Variants in PRDM10 observed in about 807,000 individuals in gnomAD.
PRDM10 encodes PR/SET domain 10.
PRDM10 carries 65 observed loss-of-function variants against 133.1 expected under a neutral mutation model. The observed-to-expected ratio is 0.49, with a 90% CI of 0.40 to 0.60. The LOEUF (loss-of-function observed/expected upper bound fraction) is 0.60. Ranked by LOEUF, PRDM10 falls within the 20% of genes least tolerant of loss-of-function variation. PRDM10 has a pLI of 0.00. For missense variants in PRDM10, 1,137 were observed against 1,507.1 expected (o/e 0.75, Z 4.07); for synonymous variants, 582 against 580.4 (o/e 1.00, Z -0.04).
chr11:129,970,385 G>A (rs1204678426), intron 1 of PRDM10, among the ~76,000 whole-genome samples: 1 of 152,300 alleles, frequency 6.6e-6, no homozygotes, highest in South Asian at 2.1e-4. Flanking sequence ...CTAGGAAGCA[G>A]AGGAGCTACA....
At position 129,935,239 on chromosome 11, in the gene PRDM10, T is replaced by A. The variant is rs765810164; in HGVS notation, c.1040-21A>T. On this transcript the variant is annotated intron_variant, in intron 8 of 20. Transcript: ENST00000360871. The stretch of plus-strand genomic sequence containing the variant: ...AAGAACTACAGTCACAGGAGAGAAA[T>A]CATAAAGGCTGATGACCAATAGACA... The A allele has an allele frequency of 5.1e-6, 8 of 1,581,902 alleles. No individual in the cohort carries two copies. The Admixed American group carries it at 1.0e-4, about 20-fold the overall frequency.
At chr11:129,917,784 G>A (rs188281308) in intron 14 of PRDM10, among the ~76,000 whole-genome samples, 7 of 152,308 alleles carry the variant, frequency 4.6e-5, no homozygotes, top group East Asian at 3.9e-4. Flanking sequence ...CTGCTTTGAC[G>A]GAAAGCTTCC....
chr11:129,945,839 G>A lies in PRDM10; in HGVS notation c.521-827C>T, dbSNP rs576981622. 6.6e-6 allele frequency among the ~76,000 whole-genome samples: 1 copy of A among 152,300 alleles called. No homozygotes were observed. Among genetic ancestry groups the A allele is most frequent in the East Asian group, 1.9e-4 (1 of 5,182 alleles). On this transcript the variant is annotated intron_variant, in intron 5 of 20. Transcript: ENST00000360871. This position sits in a 1 kb window ranked among gnomAD's most constrained non-coding sequence, Gnocchi z 4.2. ...GCATGGTGACCTGGTTTAGGAAATA[G>A]TTATTTTTAATTTCTACAATTCTCA...
chr11:129,970,833 A>G (rs1952005275), intron 1 of PRDM10, among the ~76,000 whole-genome samples: 1 of 152,170 alleles, frequency 6.6e-6, no homozygotes, highest in African/African-American at 2.4e-5. Flanking sequence ...GGCATGAATC[A>G]CGGCACCCGA....
chr11:129,918,403 C>T lies in PRDM10; in HGVS notation c.2214+136G>A. 9.2e-7 allele frequency: 1 copy of T among 1,092,112 alleles called. No homozygotes were observed. The highest frequency in any genetic ancestry group is 1.2e-6 in the Non-Finnish European group (1 of 825,708). The allele number at this position is 1,092,112 out of a possible 1,614,324, so 67.7% of individuals were successfully genotyped here. On this transcript the variant is annotated intron_variant, in intron 14 of 20. Transcript: ENST00000360871. This position sits in a 1 kb window ranked among gnomAD's most constrained non-coding sequence, Gnocchi z 5.3. ...ACTCCAAATTGGGAATCGTTTGCCT[C>T]TGTTTCTTCCCCTGGACATTGACAA...
rs1951728716 is a variant in PRDM10 at position 129,957,991 on chromosome 11, T to TC, written c.70-82dup. 7 of 1,455,996 alleles carry TC rather than the reference T, an allele frequency of 4.8e-6. No homozygotes were observed. The East Asian group carries it at 6.9e-5, about 14-fold the overall frequency. The allele number at this position is 1,455,996 out of a possible 1,614,324, so 90.2% of individuals were successfully genotyped here. A position where few individuals can be genotyped will look rare whatever the true frequency, so the allele number is the denominator to read the frequency against. On this transcript the variant is annotated intron_variant, in intron 2 of 20. Coordinates refer to ENST00000360871, the MANE Select transcript of PRDM10 (RefSeq NM_199437.2). Reference sequence around the variant, plus strand: ...CAAGCACACCTGGGTTTCTAAAAGATCCCCAATGACAGGAGAATGGGGATG... The same window carrying TC: ...CAAGCACACCTGGGTTTCTAAAAGATCCCCCAATGACAGGAGAATGGGGATG...
chr11:129,998,611 T>C (rs905481099), intron 1 of PRDM10, among the ~76,000 whole-genome samples: 1 of 152,180 alleles, frequency 6.6e-6, no homozygotes, highest in Admixed American at 6.6e-5. Flanking sequence ...ATACCTTCCC[T>C]CTTTCCACTC....
chr11:129,924,811 G>A, intron 12 of PRDM10, 71 bp downstream of exon 12: 1 of 1,391,006 alleles, frequency 7.2e-7, no homozygotes. Flanking sequence ...GGCAGTCTCG[G>A]TTTTCCAAAA....
intron 1 of PRDM10, among the ~76,000 whole-genome samples, chr11:129,989,898 C>T (rs138977148): frequency 5.3e-5 from 8 of 152,104 alleles, no homozygotes; most frequent in Admixed American, 4.6e-4. Flanking sequence ...AAGCCTCAGA[C>T]ACAAGATTAA....
Position 129,955,525 on chromosome 11 carries a change from G to T in PRDM10, c.281C>A (p.Ala94Asp), listed in dbSNP as rs769311805. 1 of 1,614,058 alleles carries T rather than the reference G, an allele frequency of 6.2e-7. No individual in the cohort carries two copies. Among genetic ancestry groups the T allele is most frequent in the South Asian group, 1.1e-5 (1 of 91,056 alleles). Reference protein sequence around the residue: ...PGQVAYVQQDATAQQASLPVH... With the variant: ...PGQVAYVQQDDTAQQASLPVH... ...GCAGTTCGTTACCTGCTGAGCTGTA[G>T]CATCCTGTTGGACATAAGCTACCTG... The change falls in exon 4 of 21, where the codon GCT becomes GAT. Residue 94 changes from alanine (A) to aspartate (D), a missense_variant. Physicochemically the swap from Ala to Asp is moderately radical, Grantham distance 126 (BLOSUM62 -2). Coordinates refer to ENST00000360871, the MANE Select transcript of PRDM10 (RefSeq NM_199437.2).
intron 1 of PRDM10, among the ~76,000 whole-genome samples, chr11:129,996,360 T>G (rs1939064540): frequency 6.6e-6 from 1 of 152,228 alleles, no homozygotes; most frequent in African/African-American, 2.4e-5. Context: ...CACCTGTTTT[T>G]GTGCAGCCTG....
chr11:129,998,361 G>A (rs903830536), intron 1 of PRDM10, among the ~76,000 whole-genome samples: 1 of 151,534 alleles, frequency 6.6e-6, no homozygotes, highest in Non-Finnish European at 1.5e-5. Flanking sequence ...ATCAGTGAAA[G>A]TGAAGGACAT....
chr11:129,910,651 A>G lies in PRDM10; in HGVS notation c.2988T>C (p.Ser996=). The change falls in exon 19 of 21, where the codon TCT becomes TCC. Residue 996 remains serine (S), a synonymous_variant. Coordinates refer to ENST00000360871, the MANE Select transcript of PRDM10 (RefSeq NM_199437.2). ...GGGCTGAGGGACTCAACGGCTGCCC[A>G]GATACCTGGGGAGAAAGAGAAAGCA... ...TASAPSSAQV[S]GQPLSPSAQQ... is the part of the protein sequence containing the mutation. The G allele has an allele frequency of 6.4e-7, 1 of 1,567,882 alleles. No individual in the cohort carries two copies. The highest frequency in any genetic ancestry group is 1.9e-5 in the Admixed American group (1 of 51,344).
chr11:129,915,568 C>T, intron 16 of PRDM10, 92 bp downstream of exon 16: 1 of 1,361,064 alleles, frequency 7.3e-7, no homozygotes, highest in Non-Finnish European at 1.0e-6. Flanking sequence ...CAGAAGGAGC[C>T]ATCCAGGCCA....
chr11:129,948,172 G>A (rs1951481927), intron 4 of PRDM10: 2 of 436,120 alleles, frequency 4.6e-6, no homozygotes, highest in Admixed American at 5.2e-5. Flanking sequence ...TATCCTGGCA[G>A]AAAATAAAAA....
rs1949838146 is a variant in PRDM10, at chr11:129,901,310, T to A, written c.*1003A>T. Reference sequence around the variant, plus strand: ...CTTCCTGTCCAACTTTAAAGAATGTTCATTTTAAGACAGCATTAAAAGTAA... The same window carrying A: ...CTTCCTGTCCAACTTTAAAGAATGTACATTTTAAGACAGCATTAAAAGTAA... On this transcript the variant is annotated 3_prime_UTR_variant, in exon 21 of 21. Coordinates refer to ENST00000360871, the MANE Select transcript of PRDM10 (RefSeq NM_199437.2). 6.6e-6 allele frequency: 1 copy of A among 152,660 alleles called. No homozygotes were observed. The allele number at this position is 152,660 out of a possible 1,614,324, so 9.5% of individuals were successfully genotyped here. A position where few individuals can be genotyped will look rare whatever the true frequency, so the allele number is the denominator to read the frequency against.
chr11:129,931,275 C>T lies in PRDM10; in HGVS notation c.1288-17G>A, dbSNP rs752424764. The T allele has an allele frequency of 6.2e-7, 1 of 1,611,760 alleles. No homozygotes were observed. ...TAGCAAGTCCTGAAATTTGCAATAA[C>T]CAGGAATAGAGATCAGTGCCGGAGG... On this transcript the variant is annotated splice_polypyrimidine_tract_variant and intron_variant, in intron 10 of 20. Transcript: ENST00000360871.
intron 1 of PRDM10, among the ~76,000 whole-genome samples, chr11:129,988,732 C>T (rs1171257114): frequency 6.6e-6 from 1 of 152,046 alleles, no homozygotes; most frequent in African/African-American, 2.4e-5. Flanking sequence ...CAGGTTCACG[C>T]CATTCTCCTG....
intron 1 of PRDM10, among the ~76,000 whole-genome samples, chr11:129,990,111 C>G (rs149431146): frequency 6.6e-6 from 1 of 151,188 alleles, no homozygotes; most frequent in Non-Finnish European, 1.5e-5. Flanking sequence ...TTTGGGAGGC[C>G]GAGGCAGGTG....
Sources: allele counts gnomAD v4.1 joint callset (sites outside exome capture counted in the v4.1 genomes callset), GRCh38; gene constraint gnomAD v4.1.1; non-coding constraint Gnocchi (gnomAD v3.1); transcripts MANE v1.5; gene names NCBI Gene and HGNC (gene_info 2026-07-23, HGNC 2026-07-21).